PHF21B: variants seen among roughly 807,000 people sequenced by gnomAD.
PHF21B encodes PHD finger protein 21B.
In PHF21B, 22 loss-of-function variants were observed where a neutral mutation model predicts 62.2. The ratio of observed to expected loss-of-function variants is 0.35; its 90% CI spans 0.25 to 0.51. The LOEUF (loss-of-function observed/expected upper bound fraction) is 0.51, where lower values mean the gene tolerates loss of function less well. Among genes scored for constraint, PHF21B ranks in the 20% least tolerant of loss-of-function variants. The pLI is 0.97. For missense variants in PHF21B, 701 were observed against 707.9 expected (o/e 0.99, Z 0.11); for synonymous variants, 341 against 314.7 (o/e 1.08, Z -0.88).
At chr22:44,909,576 G>T (rs1487542356) in intron 5 of PHF21B, among the ~76,000 whole-genome samples, 1 of 152,244 alleles carries the variant, frequency 6.6e-6, no homozygotes, top group East Asian at 1.9e-4. Flanking sequence ...AAGATATTCC[G>T]TGGCTCCCCA....
chr22:44,897,554 A>G (rs562772964), intron 5 of PHF21B, among the ~76,000 whole-genome samples: 1 of 152,314 alleles, frequency 6.6e-6, no homozygotes, highest in African/African-American at 2.4e-5. Flanking sequence ...GGCCGGCCAC[A>G]GAGTAGGTGC....
intron 6 of PHF21B, among the ~76,000 whole-genome samples, chr22:44,893,762 G>C (rs2071008897): frequency 6.6e-6 from 1 of 152,246 alleles, no homozygotes; most frequent in African/African-American, 2.4e-5. Flanking sequence ...TTGGTGGGAG[G>C]CTGGCAGGTA....
chr22:44,972,928 G>A (rs1022677739), intron 2 of PHF21B, among the ~76,000 whole-genome samples: 1 of 152,204 alleles, frequency 6.6e-6, no homozygotes, highest in African/African-American at 2.4e-5. Context: ...AGGTTGGCAG[G>A]CAGGGCGCTC....
At chr22:44,893,395 C>T (rs2071001067) in intron 7 of PHF21B, 62 bp downstream of exon 7, 4 of 1,510,934 alleles carry the variant, frequency 2.6e-6, no homozygotes, top group Non-Finnish European at 3.6e-6. Flanking sequence ...GGGACTTTTC[C>T]TGGAGGCTGT....
At position 44,955,904 on chromosome 22, in the gene PHF21B, G is replaced by C. The variant is rs561718696; in HGVS notation, c.121-35414C>G. ...CGGGCCATGGTCAGCACTCAAAGAC[G>C]CTTCCGTCATATTACAGATGAGGAG... On this transcript the variant is annotated intron_variant, in intron 2 of 12. Transcript: ENST00000313237. Among the ~76,000 whole-genome samples, 34 of 152,320 alleles carry C rather than the reference G, an allele frequency of 2.2e-4. 1 individual carries two copies. Among genetic ancestry groups the C allele is most frequent in the African/African-American group, 8.2e-4 (34 of 41,578 alleles).
At chr22:44,889,375 G>A (rs983895243) in intron 9 of PHF21B, among the ~76,000 whole-genome samples, 2 of 152,186 alleles carry the variant, frequency 1.3e-5, no homozygotes, top group East Asian at 1.9e-4. Flanking sequence ...CTTTTCGGAC[G>A]GGTAACAGAA....
Position 44,892,439 on chromosome 22 carries a change from C to T in PHF21B, c.960+1018G>A, listed in dbSNP as rs191368897. ...GCCTGGAACTGGCTGCCGCTCTGCG[C>T]GAAACGCCTCCCTCCCACTTGAGCT... On this transcript the variant is annotated intron_variant, in intron 7 of 12. Transcript: ENST00000313237. Among the ~76,000 whole-genome samples, 48 of 152,356 alleles carry T rather than the reference C, an allele frequency of 3.2e-4. 1 individual carries two copies. Among genetic ancestry groups the T allele is most frequent in the Admixed American group, 2.9e-3 (44 of 15,312 alleles).
chr22:44,907,375 G>A (rs6006904), intron 5 of PHF21B, among the ~76,000 whole-genome samples: 14,642 of 152,256 alleles, frequency 0.096, 798 homozygotes, highest in African/African-American at 0.15. Context: ...GTGAGCCTGT[G>A]GTTTGTAAAT....
chr22:44,971,392 C>G (rs2072634855), intron 2 of PHF21B: 1 of 152,200 alleles, frequency 6.6e-6, no homozygotes, highest in Non-Finnish European at 1.5e-5. Context: ...CTCCTCAGGG[C>G]CATTCGGGGT....
chr22:44,921,610 C>G (rs1402094799), intron 2 of PHF21B, among the ~76,000 whole-genome samples: 1 of 151,668 alleles, frequency 6.6e-6, no homozygotes, highest in African/African-American at 2.4e-5. Flanking sequence ...CATGATCCAC[C>G]CCCCGCCTCG....
chr22:44,963,790 GC>G (rs2072471647), intron 2 of PHF21B, among the ~76,000 whole-genome samples: 1 of 152,234 alleles, frequency 6.6e-6, no homozygotes, highest in East Asian at 1.9e-4. Flanking sequence ...GGAGAAGCAG[GC>G]CCACCCCACA....
rs6519902 is a variant in PHF21B, at chr22:44,916,364, G to C, written c.480C>G (p.Ala160=). 1 of 1,593,410 alleles carries C rather than the reference G, an allele frequency of 6.3e-7. No individual in the cohort carries two copies. Among genetic ancestry groups the C allele is most frequent in the Non-Finnish European group, 8.5e-7 (1 of 1,175,852 alleles). ...CGGCGGTGCTGGGGGCCATGGCGGCGGCATTGCTGGGGGAGGTGGAGATGA... is the reference window on the plus strand; with the variant it reads ...CGGCGGTGCTGGGGGCCATGGCGGCCGCATTGCTGGGGGAGGTGGAGATGA... ...YAIISTSPSN[A]AAMAPSTAVS... The change falls in exon 4 of 13, where the codon GCC becomes GCG. Residue 160 remains alanine, a synonymous_variant. Coordinates refer to ENST00000313237, the MANE Select transcript of PHF21B (RefSeq NM_138415.5).
chr22:44,947,264 C>A (rs527521614), intron 2 of PHF21B, among the ~76,000 whole-genome samples: 5 of 152,110 alleles, frequency 3.3e-5, no homozygotes, highest in African/African-American at 1.2e-4. Flanking sequence ...CCATTCTGAG[C>A]ACCTACTCGG....
intron 1 of PHF21B, chr22:45,008,954 A>T: frequency 9.3e-7 from 1 of 1,080,056 alleles, no homozygotes; most frequent in Non-Finnish European, 1.1e-6. Context: ...CAAAGAGCCA[A>T]GTAAACACGG....
chr22:44,926,634 T>A (rs554112254), intron 2 of PHF21B, among the ~76,000 whole-genome samples: 1 of 152,284 alleles, frequency 6.6e-6, no homozygotes, highest in African/African-American at 2.4e-5. Context: ...AGGACAGCCA[T>A]GTGTGTTTTC....
chr22:44,961,701 C>A (rs962238940), intron 2 of PHF21B, among the ~76,000 whole-genome samples: 2 of 151,880 alleles, frequency 1.3e-5, no homozygotes, highest in East Asian at 3.9e-4. Context: ...ATAAGCCAGG[C>A]GTGGTGGTGC....
At chr22:44,952,485 G>A (rs1244572307) in intron 2 of PHF21B, among the ~76,000 whole-genome samples, 1 of 152,204 alleles carries the variant, frequency 6.6e-6, no homozygotes, top group African/African-American at 2.4e-5. Context: ...CTATCCTGGG[G>A]GTGGAGGGAG....
At position 44,916,402 on chromosome 22, in the gene PHF21B, C is replaced by A; in HGVS notation, c.442G>T (p.Val148Leu). 6.3e-7 allele frequency: 1 copy of A among 1,598,176 alleles called. No individual in the cohort carries two copies. The highest frequency in any genetic ancestry group is 8.5e-7 in the Non-Finnish European group (1 of 1,177,220). ...GAGGTGGAGATGATGGCGTAGGCCA[C>A]CCCCGCACTGCTCAGCGGAGAGGCG... ...ALASPLSSAG[V>L]AYAIISTSPS... The change falls in exon 4 of 13, where the codon GTG becomes TTG. Residue 148 changes from valine (V) to leucine (L), a missense_variant. Coordinates refer to ENST00000313237, the MANE Select transcript of PHF21B (RefSeq NM_138415.5).
intron 2 of PHF21B, among the ~76,000 whole-genome samples, chr22:44,996,169 C>T (rs1429351451): frequency 6.6e-6 from 1 of 152,204 alleles, no homozygotes; most frequent in African/African-American, 2.4e-5. Context: ...GTCTCTCCAG[C>T]GCCCAGCCCT....
Sources: gnomAD v4.1 joint callset for allele counts (sites outside exome capture counted in the v4.1 genomes callset) on GRCh38, gnomAD v4.1.1 for gene constraint, MANE v1.5 for transcripts, NCBI Gene and HGNC (gene_info 2026-07-23, HGNC 2026-07-21) for gene names.